DCC: variants seen among roughly 807,000 people sequenced by gnomAD.
DCC encodes netrin receptor DCC.
In DCC, 58 loss-of-function variants were observed where a neutral mutation model predicts 172.5. That is an observed-to-expected ratio of 0.34 (90% confidence interval 0.27 to 0.42). DCC has a LOEUF of 0.42. DCC is among the 10% of genes least tolerant of loss of function. The pLI is 1.00. For synonymous variants in DCC, 709 were observed against 644.5 expected (o/e 1.10, Z -1.52); for missense variants, 1,740 against 1,791.0 (o/e 0.97, Z 0.51).
chr18:52,405,582 G>C (rs1285099657), intron 1 of DCC, among the ~76,000 whole-genome samples: 1 of 151,248 alleles, frequency 6.6e-6, no homozygotes. Flanking sequence ...TTGCTTCAAA[G>C]AGAATAAAAT....
chr18:52,730,340 A>G (rs2036618931), intron 1 of DCC, among the ~76,000 whole-genome samples: 1 of 152,176 alleles, frequency 6.6e-6, no homozygotes, highest in South Asian at 2.1e-4. Context: ...TATCCAGCCC[A>G]TAATGTCAAC....
chr18:53,097,457 A>G (rs943518179), intron 7 of DCC, among the ~76,000 whole-genome samples: 5 of 152,198 alleles, frequency 3.3e-5, no homozygotes, highest in Admixed American at 1.3e-4. Context: ...ACCTGATGTC[A>G]TTTTAAAATA....
At chr18:52,848,759 G>A (rs903362776) in intron 2 of DCC, among the ~76,000 whole-genome samples, 6 of 151,930 alleles carry the variant, frequency 3.9e-5, no homozygotes, top group African/African-American at 1.5e-4. Flanking sequence ...TTTCTCTAAT[G>A]GTTTAAGATA....
At chr18:53,441,649 G>A (rs1429377084) in intron 22 of DCC, among the ~76,000 whole-genome samples, 2 of 152,034 alleles carry the variant, frequency 1.3e-5, no homozygotes, top group Non-Finnish European at 2.9e-5. Context: ...CTTTCAAACT[G>A]TATTGTGTAA....
chr18:53,208,577 A>G (rs113521098), intron 11 of DCC, among the ~76,000 whole-genome samples: 2,242 of 152,276 alleles, frequency 0.015, 47 homozygotes, highest in African/African-American at 0.05. Flanking sequence ...ATAAGCTGAT[A>G]TTAAAATTTA....
At chr18:53,000,177 T>C (rs2041542217) in intron 5 of DCC, among the ~76,000 whole-genome samples, 1 of 152,096 alleles carries the variant, frequency 6.6e-6, no homozygotes, top group Non-Finnish European at 1.5e-5. Flanking sequence ...TGTGGTACTT[T>C]GCAATGGCAG....
rs562682226 is a variant in DCC at position 52,831,439 on chromosome 18, G to A, written c.413-74605G>A. Among the ~76,000 whole-genome samples, 4 of 152,272 alleles carry A rather than the reference G, an allele frequency of 2.6e-5. No individual in the cohort carries two copies. The South Asian group carries it at 6.2e-4, about 24-fold the overall frequency. On this transcript the variant is annotated intron_variant, in intron 2 of 28. Coordinates refer to ENST00000442544, the MANE Select transcript of DCC (RefSeq NM_005215.4). ...GGAGGGCAGGCGTGAATGCAGGGAA[G>A]CCAGTTAAGCTGTTGCAACAATCCA...
chr18:53,445,018 T>C (rs977887513), intron 22 of DCC, among the ~76,000 whole-genome samples: 4 of 152,192 alleles, frequency 2.6e-5, no homozygotes, highest in Non-Finnish European at 5.9e-5. Context: ...CTCCTGGCAA[T>C]TAACAATTCA....
At chr18:52,892,176 T>G (rs1598904302) in intron 2 of DCC, among the ~76,000 whole-genome samples, 1 of 152,070 alleles carries the variant, frequency 6.6e-6, no homozygotes, top group Non-Finnish European at 1.5e-5. Context: ...ATACTTCTTT[T>G]TAAGTTCATG....
intron 1 of DCC, among the ~76,000 whole-genome samples, chr18:52,492,046 T>C (rs2030529124): frequency 6.6e-6 from 1 of 152,002 alleles, no homozygotes; most frequent in Admixed American, 6.6e-5. Context: ...GCCACGGATA[T>C]AGCATGAAGA....
At chr18:53,495,410 A>G (rs968860251) in intron 26 of DCC, among the ~76,000 whole-genome samples, 7 of 151,628 alleles carry the variant, frequency 4.6e-5, no homozygotes, top group Non-Finnish European at 8.8e-5. Context: ...AAAAAAAGAA[A>G]GAAAGAAAAT....
intron 2 of DCC, among the ~76,000 whole-genome samples, chr18:52,799,146 A>C (rs138515949): frequency 6.6e-6 from 1 of 152,342 alleles, no homozygotes; most frequent in African/African-American, 2.4e-5. Flanking sequence ...CATATTTCTA[A>C]AGATTTTCTT....
chr18:52,419,563 G>A (rs1401410009), intron 1 of DCC: 1 of 152,100 alleles, frequency 6.6e-6, no homozygotes, highest in African/African-American at 2.4e-5. Flanking sequence ...AAACTATAAC[G>A]TTAAAGAAGA....
rs75742929 is a variant in DCC at position 52,842,525 on chromosome 18, C to T, written c.413-63519C>T. Among the ~76,000 whole-genome samples, 45 of 152,268 alleles carry T rather than the reference C, an allele frequency of 3.0e-4. No individual in the cohort carries two copies. The East Asian group carries it at 8.1e-3, about 27-fold the overall frequency. ...TAGCCCAATTGGGGAGGGTCATCTG[C>T]TCACTCTCTCCAATTCAAATGCTAA... On this transcript the variant is annotated intron_variant, in intron 2 of 28. Coordinates refer to ENST00000442544, the MANE Select transcript of DCC (RefSeq NM_005215.4).
In DCC at chr18:53,017,007, TTC is replaced by T. The variant is rs2041815685; in HGVS notation, c.986-46296_986-46295del. On this transcript the variant is annotated intron_variant, in intron 5 of 28. Coordinates refer to ENST00000442544, the MANE Select transcript of DCC (RefSeq NM_005215.4). ...TACTTTGAAAAGTGGTTTATTGAAG[TTC>T]TTACTCACTTTAGTTTTATAAAAGG... is the stretch of plus-strand genomic sequence containing the variant. Among the ~76,000 whole-genome samples, 5 of 152,240 alleles carry T rather than the reference TTC, an allele frequency of 3.3e-5. No individual in the cohort carries two copies. The South Asian group carries it at 1.0e-3, about 32-fold the overall frequency.
intron 1 of DCC, among the ~76,000 whole-genome samples, chr18:52,657,586 A>T (rs2035280629): frequency 1.3e-5 from 2 of 152,138 alleles, no homozygotes; most frequent in African/African-American, 4.8e-5. Flanking sequence ...GTCTGCTTCA[A>T]ACAGATCTGA....
At chr18:53,177,268 CATGTATACAT>C (rs1328837807) in intron 8 of DCC, among the ~76,000 whole-genome samples, 1 of 151,820 alleles carries the variant, frequency 6.6e-6, no homozygotes, top group Non-Finnish European at 1.5e-5. Context: ...CAGCATGGCA[CATGTATACAT>C]ATGTAACTAA....
At chr18:52,405,077 G>GT (rs1465401834) in intron 1 of DCC, among the ~76,000 whole-genome samples, 1 of 151,364 alleles carries the variant, frequency 6.6e-6, no homozygotes, top group Non-Finnish European at 1.5e-5. Flanking sequence ...GGACATTTCG[G>GT]TTGGTTCCAA....
At chr18:52,667,721 G>C (rs572594126) in intron 1 of DCC, among the ~76,000 whole-genome samples, 1 of 152,198 alleles carries the variant, frequency 6.6e-6, no homozygotes, top group African/African-American at 2.4e-5. Context: ...TTCCCCTGGA[G>C]GGGGAAGAGC....
Sources: allele counts gnomAD v4.1 joint callset (sites outside exome capture counted in the v4.1 genomes callset), GRCh38; gene constraint gnomAD v4.1.1; transcripts MANE v1.5; gene names NCBI Gene and HGNC (gene_info 2026-07-23, HGNC 2026-07-21).